ARSG: variants seen among roughly 807,000 people sequenced by gnomAD.
The protein encoded by ARSG is arylsulfatase G, also known as ASG.
In ARSG, 37 loss-of-function variants were observed where a neutral mutation model predicts 50.5. The observed-to-expected ratio is 0.73, with a 90% CI of 0.56 to 0.96. The LOEUF is 0.96. ARSG is among the 50% of genes least tolerant of loss of function. ARSG has a pLI of 0.00. For synonymous variants in ARSG, 225 were observed against 254.6 expected, an observed-to-expected ratio of 0.88 and a Z score of 1.11; for missense variants, 629 against 675.3, an observed-to-expected ratio of 0.93 and a Z score of 0.76.
At chr17:68,338,149 T>C (rs2078110647) in intron 2 of ARSG, among the ~76,000 whole-genome samples, 1 of 152,166 alleles carries the variant, frequency 6.6e-6, no homozygotes, top group South Asian at 2.1e-4. Context: ...GCCCAGTTAG[T>C]ACTTTCCTCC....
intron 1 of ARSG, among the ~76,000 whole-genome samples, chr17:68,282,302 T>C (rs533041234): frequency 3.8e-4 from 57 of 149,256 alleles, no homozygotes; most frequent in African/African-American, 1.4e-3. Context: ...AATTGAACAA[T>C]GAGAACACTT....
chr17:68,404,423 G>A (rs1033063073), intron 11 of ARSG, among the ~76,000 whole-genome samples: 2 of 152,212 alleles, frequency 1.3e-5, no homozygotes, highest in African/African-American at 4.8e-5. Flanking sequence ...TTTTATAAAT[G>A]TAGATACCGT....
At chr17:68,408,138 T>C (rs999194364) in intron 11 of ARSG, among the ~76,000 whole-genome samples, 2 of 152,100 alleles carry the variant, frequency 1.3e-5, no homozygotes, top group Non-Finnish European at 2.9e-5. Context: ...TTTATTATTA[T>C]TATACTTTAA....
intron 1 of ARSG, among the ~76,000 whole-genome samples, chr17:68,300,142 C>T (rs902547196): frequency 5.9e-5 from 9 of 152,018 alleles, no homozygotes; most frequent in African/African-American, 9.7e-5. Flanking sequence ...GATGGGGTCT[C>T]GCTTTGTTGC....
intron 11 of ARSG, among the ~76,000 whole-genome samples, chr17:68,419,130 A>T (rs2082586876): frequency 1.3e-5 from 2 of 152,014 alleles, no homozygotes; most frequent in South Asian, 4.1e-4. Flanking sequence ...ATTCGAATCC[A>T]CGTAAGACTG....
chr17:68,353,774 T>G (rs1338514432), intron 5 of ARSG, among the ~76,000 whole-genome samples: 1 of 152,196 alleles, frequency 6.6e-6, no homozygotes, highest in Admixed American at 6.5e-5. Context: ...CAATCTCTGA[T>G]CATTACAATT....
At chr17:68,386,037 C>T (rs1238144353) in intron 9 of ARSG, among the ~76,000 whole-genome samples, 3 of 152,192 alleles carry the variant, frequency 2.0e-5, no homozygotes, top group Admixed American at 2.0e-4. Context: ...GCAGACCCAT[C>T]ACATCAGGTA....
At chr17:68,388,885 A>G (rs1382560006) in intron 9 of ARSG, among the ~76,000 whole-genome samples, 1 of 147,112 alleles carries the variant, frequency 6.8e-6, no homozygotes, top group Non-Finnish European at 1.5e-5. Context: ...AGATCGCACC[A>G]CTGCATTCCA....
the ARSG span, among the ~76,000 whole-genome samples, chr17:68,438,255 A>G: frequency 8.2e-6 from 1 of 122,154 alleles, no homozygotes; most frequent in Non-Finnish European, 1.9e-5. Context: ...CAGCCCTGCC[A>G]CCCCTTTGGC....
At chr17:68,259,255 C>A (rs1424638668) in exon 1 of ARSG, 1 of 152,184 alleles carries the variant, frequency 6.6e-6, no homozygotes, top group Non-Finnish European at 1.5e-5. Context: ...CCGGGGACTT[C>A]CCCGGCGGGG....
intron 9 of ARSG, among the ~76,000 whole-genome samples, chr17:68,394,721 T>C (rs2081154904): frequency 6.6e-6 from 1 of 152,182 alleles, no homozygotes; most frequent in South Asian, 2.1e-4. Context: ...GCCCTTAGAA[T>C]GTGTCTCTCT....
chr17:68,323,003 A>C (rs1429225200), intron 2 of ARSG, among the ~76,000 whole-genome samples: 1 of 151,722 alleles, frequency 6.6e-6, no homozygotes, highest in Non-Finnish European at 1.5e-5. Flanking sequence ...GCAAGACCCC[A>C]TCTCTACAAT....
chr17:68,387,079 T>TCACA (rs72320984), intron 9 of ARSG, among the ~76,000 whole-genome samples: 121 of 146,416 alleles, frequency 8.3e-4, no homozygotes, highest in African/African-American at 2.8e-3. Flanking sequence ...ATATAGTGTA[T>TCACA]CACACACACA....
At chr17:68,311,008 G>A (rs1404058107) in intron 2 of ARSG, among the ~76,000 whole-genome samples, 6 of 152,158 alleles carry the variant, frequency 3.9e-5, no homozygotes, top group Admixed American at 6.6e-5. Flanking sequence ...GACCAGCCTG[G>A]CCAACATGGC....
chr17:68,408,512 T>G (rs1217097040), intron 11 of ARSG, among the ~76,000 whole-genome samples: 1 of 152,044 alleles, frequency 6.6e-6, no homozygotes, highest in East Asian at 1.9e-4. Flanking sequence ...ATTTTCTTAA[T>G]CCAGTCTATC....
At chr17:68,363,336 TAGAA>T (rs1350691507) in intron 6 of ARSG, among the ~76,000 whole-genome samples, 2 of 152,092 alleles carry the variant, frequency 1.3e-5, no homozygotes, top group African/African-American at 4.8e-5. Flanking sequence ...CACTGGCATA[TAGAA>T]AGAGTCTTTG....
At chr17:68,423,221 A>C (rs2082925366), downstream of ARSG, among the ~76,000 whole-genome samples, 1 of 152,180 alleles carries the variant, frequency 6.6e-6, no homozygotes, top group South Asian at 2.1e-4. The surrounding 1 kb of genome is among the most constrained non-coding windows in gnomAD (Gnocchi z 4.4). Flanking sequence ...TAGGCATGAC[A>C]ATTCAGAATA....
intron 4 of ARSG, 112 bp from the exon 5 acceptor site, chr17:68,351,463 A>G (rs1162872458): frequency 3.0e-6 from 2 of 672,528 alleles, no homozygotes; most frequent in Admixed American, 2.2e-5. Flanking sequence ...TACATACTCT[A>G]TAGCACTGCA....
At chr17:68,277,718 C>T (rs1357939719) in intron 1 of ARSG, among the ~76,000 whole-genome samples, 1 of 152,208 alleles carries the variant, frequency 6.6e-6, no homozygotes, top group Non-Finnish European at 1.5e-5. Flanking sequence ...AGCCACTGTG[C>T]CCGGCCATCA....
Sources: allele counts gnomAD v4.1 joint callset (sites outside exome capture counted in the v4.1 genomes callset), GRCh38; gene constraint gnomAD v4.1.1; non-coding constraint Gnocchi (gnomAD v3.1); transcripts MANE v1.5; gene names NCBI Gene and HGNC (gene_info 2026-07-23, HGNC 2026-07-21).